Variants in PPP2R5E observed in about 807,000 individuals in gnomAD.
The protein encoded by PPP2R5E is serine/threonine-protein phosphatase 2A 56 kDa regulatory subunit epsilon isoform.
A neutral mutation model predicts 65.3 loss-of-function variants in PPP2R5E; 4 were observed. The observed-to-expected ratio is 0.06, with a 90% CI of 0.03 to 0.14. PPP2R5E has a LOEUF of 0.14. Ranked by LOEUF, PPP2R5E falls within the 10% of genes least tolerant of loss-of-function variation. The probability of loss-of-function intolerance (pLI) is 1.00; values close to 1 mark genes in which losing one functional copy is unlikely to be tolerated. For synonymous variants in PPP2R5E, 183 were observed against 187.4 expected, an observed-to-expected ratio of 0.98 and a Z score of 0.19; for missense variants, 274 against 556.1, an observed-to-expected ratio of 0.49 and a Z score of 5.10.
chr14:63,406,880 A>G (rs191228674), intron 5 of PPP2R5E, among the ~76,000 whole-genome samples: 1 of 152,362 alleles, frequency 6.6e-6, no homozygotes, highest in Non-Finnish European at 1.5e-5. Flanking sequence ...TTTTAGAATA[A>G]GAGTTGGATT....
rs61406950 is a variant in PPP2R5E, at chr14:63,424,531, C to G, written c.355-2437G>C. Among the ~76,000 whole-genome samples, 459 of 152,204 alleles carry G rather than the reference C, an allele frequency of 3.0e-3. 2 individuals are homozygous for G. The highest frequency in any genetic ancestry group is 0.01 in the African/African-American group (433 of 41,546). On this transcript the variant is annotated intron_variant, in intron 3 of 13. Coordinates refer to ENST00000337537, the MANE Select transcript of PPP2R5E (RefSeq NM_006246.5). ...CTTTGAGAGGCCGAGGCGGGCGGAT[C>G]ACGAGGTTAGGAGATTGAGACCATC...
intron 2 of PPP2R5E, among the ~76,000 whole-genome samples, chr14:63,514,836 T>C (rs1892601626): frequency 6.6e-6 from 1 of 152,134 alleles, no homozygotes; most frequent in Non-Finnish European, 1.5e-5. Flanking sequence ...TTCACATATA[T>C]CACCTCTAAA....
chr14:63,535,797 A>T (rs952703570), intron 2 of PPP2R5E, among the ~76,000 whole-genome samples: 7 of 152,194 alleles, frequency 4.6e-5, no homozygotes, highest in Admixed American at 1.3e-4. Flanking sequence ...TCAAAGCAAT[A>T]CTATAGAAAA....
chr14:63,398,465 T>C (rs748228137), intron 5 of PPP2R5E, among the ~76,000 whole-genome samples: 5 of 152,196 alleles, frequency 3.3e-5, no homozygotes, highest in South Asian at 2.1e-4. Flanking sequence ...TCAACAAGAA[T>C]GGTCAATAAA....
rs762763879 is a variant in PPP2R5E at position 63,415,257 on chromosome 14, T to C, written c.457-25A>G. 6 of 1,511,846 alleles carry C rather than the reference T, an allele frequency of 4.0e-6. No individual in the cohort carries two copies. The East Asian group carries it at 1.1e-4, about 29-fold the overall frequency. 93.7% of individuals were successfully genotyped at this position (1,511,846 alleles called of 1,614,324 possible). ...GCTGCAACAAACAGATTATAATTAATTTCAAATTATGACTCACTGAGAACA... is the reference window on the plus strand; with the variant it reads ...GCTGCAACAAACAGATTATAATTAACTTCAAATTATGACTCACTGAGAACA... On this transcript the variant is annotated intron_variant, in intron 4 of 13. Transcript: ENST00000337537.
At chr14:63,384,710 C>T in intron 11 of PPP2R5E, 139 bp from the exon 12 acceptor site, 2 of 625,890 alleles carry the variant, frequency 3.2e-6, no homozygotes, top group Non-Finnish European at 5.0e-6. Flanking sequence ...ATATTAATCA[C>T]ATTTTAATAT....
intron 4 of PPP2R5E, among the ~76,000 whole-genome samples, chr14:63,415,849 T>G (rs1352329684): frequency 6.6e-6 from 1 of 152,172 alleles, no homozygotes; most frequent in Non-Finnish European, 1.5e-5. Context: ...GTGCATCACA[T>G]AACATACATC....
At chr14:63,418,448 A>C (rs1307802538) in intron 4 of PPP2R5E, among the ~76,000 whole-genome samples, 1 of 152,230 alleles carries the variant, frequency 6.6e-6, no homozygotes, top group East Asian at 1.9e-4. Context: ...TCTGCACTTA[A>C]GAGAAAGATT....
intron 5 of PPP2R5E, among the ~76,000 whole-genome samples, chr14:63,409,801 G>C (rs1439411776): frequency 6.6e-6 from 1 of 152,174 alleles, no homozygotes; most frequent in African/African-American, 2.4e-5. Context: ...TTACTTAACA[G>C]TATCTCATTT....
At chr14:63,521,547 A>G (rs1892907281) in intron 2 of PPP2R5E, among the ~76,000 whole-genome samples, 1 of 152,140 alleles carries the variant, frequency 6.6e-6, no homozygotes, top group Non-Finnish European at 1.5e-5. Context: ...CATGCCGGTA[A>G]TCCCACTCAG....
intron 2 of PPP2R5E, among the ~76,000 whole-genome samples, chr14:63,511,390 G>A (rs937875240): frequency 3.3e-5 from 5 of 152,130 alleles, no homozygotes; most frequent in Non-Finnish European, 5.9e-5. Flanking sequence ...CTTGCCAACC[G>A]TCATGTATGT....
At chr14:63,508,011 G>C in intron 2 of PPP2R5E, 1 of 333,758 alleles carries the variant, frequency 3.0e-6, no homozygotes, top group Non-Finnish European at 4.3e-6. Context: ...CCCCTTTGTA[G>C]AGATCCAGCT....
At chr14:63,497,460 C>T (rs1282703560) in intron 2 of PPP2R5E, among the ~76,000 whole-genome samples, 1 of 152,070 alleles carries the variant, frequency 6.6e-6, no homozygotes, top group Non-Finnish European at 1.5e-5. Context: ...AGTATAAAAA[C>T]ACATGAACCT....
chr14:63,483,330 A>G (rs1480685027), intron 2 of PPP2R5E, among the ~76,000 whole-genome samples: 1 of 152,138 alleles, frequency 6.6e-6, no homozygotes. Context: ...TGTGGTAAGT[A>G]CTATAGGAGA....
chr14:63,421,582 G>A (rs1174860420), intron 4 of PPP2R5E, among the ~76,000 whole-genome samples: 5 of 152,172 alleles, frequency 3.3e-5, no homozygotes, highest in Non-Finnish European at 7.4e-5. Context: ...AAACACATTT[G>A]TAGTTAATGT....
chr14:63,483,794 A>T (rs1470969311), intron 2 of PPP2R5E, among the ~76,000 whole-genome samples: 4 of 152,014 alleles, frequency 2.6e-5, no homozygotes, highest in Non-Finnish European at 4.4e-5. Context: ...AGACTCAAAA[A>T]GCTCCCGAGG....
At chr14:63,421,311 G>T (rs1887009230) in intron 4 of PPP2R5E, among the ~76,000 whole-genome samples, 1 of 152,084 alleles carries the variant, frequency 6.6e-6, no homozygotes. Context: ...AGAGAAGGCA[G>T]CACAAGGAAG....
At chr14:63,509,730 C>T (rs1566752809) in intron 2 of PPP2R5E, among the ~76,000 whole-genome samples, 1 of 152,172 alleles carries the variant, frequency 6.6e-6, no homozygotes, top group Non-Finnish European at 1.5e-5. Flanking sequence ...TGTGGACTAA[C>T]AGAACCCATA....
intron 2 of PPP2R5E, among the ~76,000 whole-genome samples, chr14:63,462,528 T>G (rs1889538799): frequency 6.6e-6 from 1 of 152,218 alleles, no homozygotes; most frequent in Non-Finnish European, 1.5e-5. Flanking sequence ...ACTGCAACTT[T>G]TTTTTTAACC....
Sources: gnomAD v4.1 joint callset for allele counts (sites outside exome capture counted in the v4.1 genomes callset) on GRCh38, gnomAD v4.1.1 for gene constraint, MANE v1.5 for transcripts, NCBI Gene and HGNC (gene_info 2026-07-23, HGNC 2026-07-21) for gene names.